Variants in CTBP2 observed in about 807,000 individuals in gnomAD.
CTBP2 encodes C-terminal-binding protein 2.
Under a neutral mutation model 80.3 loss-of-function variants are expected in CTBP2, and 30 were observed. The observed-to-expected ratio is 0.37, with a 90% CI of 0.28 to 0.51. CTBP2 has a LOEUF of 0.51. CTBP2 is among the 20% of genes least tolerant of loss of function. The pLI is 0.93. For missense variants in CTBP2, 1,212 were observed against 1,375.3 expected (o/e 0.88, Z 1.88); for synonymous variants, 594 against 587.4 (o/e 1.01, Z -0.16).
chr10:125,079,207 G>C (rs1486700484), intron 2 of CTBP2, among the ~76,000 whole-genome samples: 1 of 150,598 alleles, frequency 6.6e-6, no homozygotes, highest in Non-Finnish European at 1.5e-5. Context: ...GCCACCAGGA[G>C]CTTTCGGGAG....
intron 1 of CTBP2, among the ~76,000 whole-genome samples, chr10:125,129,850 G>T (rs1387520692): frequency 6.6e-6 from 1 of 152,036 alleles, no homozygotes; most frequent in Non-Finnish European, 1.5e-5. Flanking sequence ...ACCTCTGCCC[G>T]TGAGCTCAAG....
At chr10:125,052,728 G>A (rs117128427) in intron 2 of CTBP2, among the ~76,000 whole-genome samples, 6,325 of 152,266 alleles carry the variant, frequency 0.042, 178 homozygotes, top group Non-Finnish European at 0.056. Flanking sequence ...GGCTCCAGCA[G>A]GAATCTGGGG....
chr10:125,066,139 C>G lies in CTBP2; in HGVS notation c.-101-26984G>C, dbSNP rs1396604258. Among the ~76,000 whole-genome samples the G allele has an allele frequency of 3.3e-5, 5 of 151,742 alleles. No individual in the cohort carries two copies. Among genetic ancestry groups the G allele is most frequent in the African/African-American group, 1.2e-4 (5 of 41,296 alleles). On this transcript the variant is annotated intron_variant, in intron 2 of 10. Coordinates refer to the CTBP2 transcript ENST00000337195. This position sits in a 1 kb window ranked among gnomAD's most constrained non-coding sequence, Gnocchi z 4.1. Reference sequence around the variant, plus strand: ...TCTAATGCTCAGGCTGATGTCCTAACACCCAGGACAACGTCTGAGTGACCA... The same window carrying G: ...TCTAATGCTCAGGCTGATGTCCTAAGACCCAGGACAACGTCTGAGTGACCA...
intron 1 of CTBP2, among the ~76,000 whole-genome samples, chr10:125,013,531 G>A (rs1956151742): frequency 6.6e-6 from 1 of 152,130 alleles, no homozygotes; most frequent in Admixed American, 6.5e-5. Context: ...TGGTAACAAA[G>A]GGATGGTAAA....
At chr10:125,115,343 T>A (rs949716542) in intron 1 of CTBP2, among the ~76,000 whole-genome samples, 2 of 152,168 alleles carry the variant, frequency 1.3e-5, no homozygotes, top group Non-Finnish European at 2.9e-5. Context: ...AAGAGAAAAC[T>A]GGAATGTGTC....
intron 2 of CTBP2, among the ~76,000 whole-genome samples, chr10:125,050,733 G>A (rs571771323): frequency 1.3e-5 from 2 of 152,318 alleles, no homozygotes; most frequent in East Asian, 1.9e-4. Context: ...CGGTCTCCAG[G>A]TCTCTGACGA....
intron 1 of CTBP2, among the ~76,000 whole-genome samples, chr10:125,007,865 G>A (rs1272398109): frequency 6.6e-6 from 1 of 152,148 alleles, no homozygotes; most frequent in African/African-American, 2.4e-5. Context: ...CCAGGGTAAA[G>A]GGTTTCAGGA....
chr10:125,007,403 TGA>T (rs1192528181), intron 1 of CTBP2, among the ~76,000 whole-genome samples: 3 of 152,250 alleles, frequency 2.0e-5, no homozygotes, highest in African/African-American at 7.2e-5. Context: ...ACTTGTGAAA[TGA>T]GAGATGCTCA....
In CTBP2 at chr10:125,026,814, C is replaced by CA; in HGVS notation, c.945dup (p.Asp316Ter). ...AGGGTAGCCAGGACGGCCGGGGAGT[C>CA]AAAGCCCTGCTGCAGTAGGGCTCCC... On this transcript the variant is annotated frameshift_variant, in exon 1 of 9. Transcript: ENST00000309035. LOFTEE classifies it high-confidence loss of function. 1 of 1,613,438 alleles carries CA rather than the reference C, an allele frequency of 6.2e-7. No homozygotes were observed. The highest frequency in any genetic ancestry group is 8.5e-7 in the Non-Finnish European group (1 of 1,180,002).
chr10:125,054,460 C>G (rs773626164), intron 2 of CTBP2, among the ~76,000 whole-genome samples: 1 of 152,170 alleles, frequency 6.6e-6, no homozygotes, highest in African/African-American at 2.4e-5. Flanking sequence ...AAGCTGAACC[C>G]TCCCCGAGCC....
intron 2 of CTBP2, among the ~76,000 whole-genome samples, chr10:125,098,300 T>C (rs1278623669): frequency 6.6e-6 from 1 of 152,148 alleles, no homozygotes; most frequent in Non-Finnish European, 1.5e-5. Flanking sequence ...GTGAACGGAA[T>C]GGAACTTAGG....
At chr10:125,070,657 G>A (rs1424533143) in intron 2 of CTBP2, among the ~76,000 whole-genome samples, 1 of 151,744 alleles carries the variant, frequency 6.6e-6, no homozygotes, top group Non-Finnish European at 1.5e-5. Context: ...CAATTTTTAT[G>A]TAAATCTAAA....
At chr10:125,000,671 G>C (rs2134234578) in intron 3 of CTBP2, 1 of 129,076 alleles carries the variant, frequency 7.7e-6, no homozygotes, top group East Asian at 2.0e-4. Flanking sequence ...TGACAGCTCA[G>C]AGCCTTGCGA....
At chr10:125,097,200 A>G (rs1849671627) in intron 2 of CTBP2, among the ~76,000 whole-genome samples, 1 of 152,198 alleles carries the variant, frequency 6.6e-6, no homozygotes, top group Non-Finnish European at 1.5e-5. Flanking sequence ...TAATGTTGGC[A>G]CAATAAAATA....
chr10:124,989,788 C>T, intron 8 of CTBP2, 90 bp from the exon 11 acceptor site: 1 of 1,263,014 alleles, frequency 7.9e-7, no homozygotes, highest in South Asian at 1.6e-5. Context: ...TCATAAGAGA[C>T]AGGAGCCCAG....
At chr10:125,031,518 T>TTCCTC (rs923382612), upstream of CTBP2, among the ~76,000 whole-genome samples, 8 of 123,902 alleles carry the variant, frequency 6.5e-5, no homozygotes, top group African/African-American at 2.1e-4. Context: ...AAAAAAGTCT[T>TTCCTC]TCCTCTCATC....
At chr10:125,020,436 A>G (rs1956920281) in intron 1 of CTBP2, among the ~76,000 whole-genome samples, 1 of 152,192 alleles carries the variant, frequency 6.6e-6, no homozygotes, top group Non-Finnish European at 1.5e-5. Context: ...ACTGCTTTCT[A>G]AACCAGGAAG....
chr10:125,029,152 C>G (rs944613076), upstream of CTBP2, among the ~76,000 whole-genome samples: 34 of 152,146 alleles, frequency 2.2e-4, no homozygotes, highest in Admixed American at 2.2e-3. Context: ...AACCCGAGTG[C>G]TGTTCCTCAC....
chr10:125,152,733 C>A (rs951341980), intron 1 of CTBP2, among the ~76,000 whole-genome samples: 1 of 152,118 alleles, frequency 6.6e-6, no homozygotes, highest in Non-Finnish European at 1.5e-5. Context: ...AATCTGAAAG[C>A]CCCGAGATAA....
Sources: gnomAD v4.1 joint callset for allele counts (sites outside exome capture counted in the v4.1 genomes callset) on GRCh38, gnomAD v4.1.1 for gene constraint, Gnocchi (gnomAD v3.1) non-coding constraint, MANE v1.5 for transcripts, NCBI Gene and HGNC (gene_info 2026-07-23, HGNC 2026-07-21) for gene names.